C10orf67: variants seen among roughly 807,000 people sequenced by gnomAD.
C10orf67 encodes uncharacterized protein C10orf67, mitochondrial.
C10orf67 carries 60 observed loss-of-function variants against 35.6 expected under a neutral mutation model. The observed-to-expected ratio is 1.68, with a 90% CI of 1.37 to 2.09. The LOEUF (loss-of-function observed/expected upper bound fraction) is 2.09. Among genes scored for constraint, C10orf67 ranks in the 30% most tolerant of loss-of-function variants. The pLI, the probability that C10orf67 is intolerant of heterozygous loss-of-function variation, is 0.00. For synonymous variants in C10orf67, 167 were observed against 115.8 expected (o/e 1.44, Z -2.84); for missense variants, 474 against 330.2 (o/e 1.44, Z -3.38).
At chr10:23,245,452 C>G (rs1842292436) in intron 12 of C10orf67, among the ~76,000 whole-genome samples, 1 of 152,096 alleles carries the variant, frequency 6.6e-6, no homozygotes, top group African/African-American at 2.4e-5. Context: ...CATTTGCAAA[C>G]CATACATCTT....
At chr10:23,318,835 T>G (rs1844835525) in intron 4 of C10orf67, 1 of 756,480 alleles carries the variant, frequency 1.3e-6, no homozygotes, top group Non-Finnish European at 2.5e-6. Context: ...TCCATGACAT[T>G]ACCAAGGACC....
At chr10:23,227,438 C>T (rs1332838526) in intron 13 of C10orf67, among the ~76,000 whole-genome samples, 1 of 152,126 alleles carries the variant, frequency 6.6e-6, no homozygotes, top group East Asian at 1.9e-4. Flanking sequence ...GGACATATCT[C>T]AAAATAATAA....
chr10:23,232,416 T>C (rs1841936365), intron 13 of C10orf67, among the ~76,000 whole-genome samples: 1 of 152,088 alleles, frequency 6.6e-6, no homozygotes, highest in Non-Finnish European at 1.5e-5. Context: ...ATAATTAAAA[T>C]AAATATTTGA....
intron 7 of C10orf67, among the ~76,000 whole-genome samples, chr10:23,283,591 C>A (rs1588650332): frequency 6.6e-6 from 1 of 152,284 alleles, no homozygotes; most frequent in South Asian, 2.1e-4. Flanking sequence ...TGAATATAAT[C>A]TTCTGCCACC....
intron 3 of C10orf67, among the ~76,000 whole-genome samples, chr10:23,321,181 C>T (rs1844941835): frequency 6.6e-6 from 1 of 152,106 alleles, no homozygotes; most frequent in Admixed American, 6.6e-5. Context: ...GGAATATGCT[C>T]ATGAAAAGAA....
chr10:23,208,268 C>G (rs1362826574), intron 15 of C10orf67, among the ~76,000 whole-genome samples: 3 of 152,194 alleles, frequency 2.0e-5, no homozygotes, highest in Non-Finnish European at 4.4e-5. Context: ...ATGCTGTTAT[C>G]ACACAGTTTC....
At chr10:23,320,494 T>C (rs1411528060) in intron 4 of C10orf67, among the ~76,000 whole-genome samples, 1 of 152,162 alleles carries the variant, frequency 6.6e-6, no homozygotes, top group Admixed American at 6.5e-5. Flanking sequence ...CAAATAAACT[T>C]TGGATTACTT....
chr10:23,335,086 GC>G (rs1175469388), intron 1 of C10orf67, among the ~76,000 whole-genome samples: 1 of 151,912 alleles, frequency 6.6e-6, no homozygotes, highest in Non-Finnish European at 1.5e-5. Context: ...TACTCGGGAG[GC>G]TGAGGGACAA....
At chr10:23,325,776 G>A (rs1160431795) in intron 2 of C10orf67, among the ~76,000 whole-genome samples, 1 of 151,350 alleles carries the variant, frequency 6.6e-6, no homozygotes, top group East Asian at 1.9e-4. Context: ...TGCCAAAGAT[G>A]TTAAAGCAGT....
chr10:23,267,665 G>A (rs1842919489), intron 8 of C10orf67, among the ~76,000 whole-genome samples: 1 of 152,170 alleles, frequency 6.6e-6, no homozygotes, highest in African/African-American at 2.4e-5. Context: ...CCCACTTTGG[G>A]AGGCTGAGGC....
chr10:23,343,642 T>G (rs1256871033), intron 1 of C10orf67, among the ~76,000 whole-genome samples: 1 of 152,172 alleles, frequency 6.6e-6, no homozygotes, highest in Non-Finnish European at 1.5e-5. Flanking sequence ...GAGCAGTCAG[T>G]CGCCTAACTC....
At chr10:23,302,516 T>C (rs145072705) in intron 5 of C10orf67, among the ~76,000 whole-genome samples, 138 of 152,332 alleles carry the variant, frequency 9.1e-4, no homozygotes, top group Non-Finnish European at 1.6e-3. Context: ...TGCTATTCAA[T>C]AGACTTTTAT....
At chr10:23,270,398 A>G (rs567130024) in intron 8 of C10orf67, among the ~76,000 whole-genome samples, 15 of 152,306 alleles carry the variant, frequency 9.8e-5, no homozygotes, top group African/African-American at 3.6e-4. Context: ...TCATGAGCCC[A>G]TACCACCAGG....
chr10:23,312,131 T>C (rs569617483), intron 4 of C10orf67, among the ~76,000 whole-genome samples: 2 of 152,350 alleles, frequency 1.3e-5, no homozygotes, highest in African/African-American at 4.8e-5. Flanking sequence ...TTAATTAATA[T>C]GCATTTACTC....
At chr10:23,208,334 A>T (rs1214098960) in intron 15 of C10orf67, among the ~76,000 whole-genome samples, 1 of 152,232 alleles carries the variant, frequency 6.6e-6, no homozygotes, top group African/African-American at 2.4e-5. Context: ...TCACAGTTTT[A>T]AAAACATACA....
At chr10:23,259,112 C>G (rs117667208) in intron 10 of C10orf67, among the ~76,000 whole-genome samples, 3 of 152,118 alleles carry the variant, frequency 2.0e-5, no homozygotes, top group African/African-American at 7.2e-5. Flanking sequence ...TCAACAGCAT[C>G]CAGGAATTTT....
intron 12 of C10orf67, among the ~76,000 whole-genome samples, chr10:23,246,688 T>C (rs1842323888): frequency 6.6e-6 from 1 of 152,198 alleles, no homozygotes. Flanking sequence ...AGTAACGTCT[T>C]GACAATCCTG....
chr10:23,229,523 G>A (rs139699574), intron 13 of C10orf67, among the ~76,000 whole-genome samples: 29,870 of 151,788 alleles, frequency 0.2, 3,723 homozygotes, highest in Non-Finnish European at 0.28. Flanking sequence ...CATGGCACAT[G>A]TATACATATG....
chr10:23,333,309 A>C, intron 1 of C10orf67, 127 bp from the exon 2 acceptor site: 2 of 781,828 alleles, frequency 2.6e-6, no homozygotes, highest in Non-Finnish European at 3.9e-6. Context: ...TGAGGTGAGG[A>C]AGCCTCTGAA....
Sources: allele counts gnomAD v4.1 joint callset (sites outside exome capture counted in the v4.1 genomes callset), GRCh38; gene constraint gnomAD v4.1.1; transcripts MANE v1.5; gene names NCBI Gene and HGNC (gene_info 2026-07-23, HGNC 2026-07-21).